CHD3: variants seen among roughly 807,000 people sequenced by gnomAD.
The protein encoded by CHD3 is chromodomain helicase DNA binding protein 3.
In CHD3, 52 loss-of-function variants were observed where a neutral mutation model predicts 248.9. The ratio of observed to expected loss-of-function variants is 0.21; its 90% CI spans 0.17 to 0.26. The LOEUF (loss-of-function observed/expected upper bound fraction) is 0.26, where lower values mean the gene tolerates loss of function less well. Among genes scored for constraint, CHD3 ranks in the 10% least tolerant of loss-of-function variants. The probability of loss-of-function intolerance (pLI) is 1.00; values close to 1 mark genes in which losing one functional copy is unlikely to be tolerated. For missense variants in CHD3, 1,482 were observed against 2,605.8 expected, an observed-to-expected ratio of 0.57 and a Z score of 9.39; for synonymous variants, 985 against 985.2, an observed-to-expected ratio of 1.00 and a Z score of 0.00.
Position 7,904,168 on chromosome 17 carries a change from T to C in CHD3, c.3894+177T>C. The stretch of plus-strand genomic sequence containing the variant: ...CAGAGAGAAACGTAGGCACAGACAG[T>C]ACTGGTAAACACAGAAGGGTACCTT... On this transcript the variant is annotated intron_variant, in intron 24 of 39. Transcript: ENST00000330494. The surrounding 1 kb of genome is among the most constrained non-coding windows in gnomAD (Gnocchi z 4.4). 1 of 664,170 alleles carries C rather than the reference T, an allele frequency of 1.5e-6. No homozygotes were observed. Among genetic ancestry groups the C allele is most frequent in the Non-Finnish European group, 2.6e-6 (1 of 391,408 alleles). 41.1% of individuals were successfully genotyped at this position (664,170 alleles called of 1,614,324 possible).
chr17:7,896,218 ACT>A (rs146352528), intron 10 of CHD3, among the ~76,000 whole-genome samples: 10,704 of 125,000 alleles, frequency 0.086, 974 homozygotes, highest in African/African-American at 0.25. Context: ...ACAGAGCGAC[ACT>A]CTATCTCAAA....
chr17:7,898,592 T>C lies in CHD3; in HGVS notation c.2148T>C (p.Asn716=), dbSNP rs764643312. 8 of 1,609,730 alleles carry C rather than the reference T, an allele frequency of 5.0e-6. No homozygotes were observed. Among genetic ancestry groups the C allele is most frequent in the Middle Eastern group, 1.7e-4 (1 of 6,040 alleles). ...ATGGGCCTCCCAGTTCTCCCACTAATGATGTGAGTCCTCTCAGTTGTCATT... is the reference window on the plus strand; with the variant it reads ...ATGGGCCTCCCAGTTCTCCCACTAACGATGTGAGTCCTCTCAGTTGTCATT... ...QGDGPPSSPT[N]DPTVKYETQP... The change falls in exon 13 of 40, where the codon AAT becomes AAC. Residue 716 remains asparagine, a synonymous_variant. Transcript: ENST00000330494.
In CHD3 at chr17:7,903,662, G is replaced by T. The variant is rs1970565811; in HGVS notation, c.3727+159G>T. 6.6e-6 allele frequency among the ~76,000 whole-genome samples: 1 copy of T among 152,142 alleles called. No individual in the cohort carries two copies. The highest frequency in any genetic ancestry group is 1.5e-5 in the Non-Finnish European group (1 of 68,010). On this transcript the variant is annotated intron_variant, in intron 23 of 39. Coordinates refer to ENST00000330494, the MANE Select transcript of CHD3 (RefSeq NM_001005273.3). This position sits in a 1 kb window ranked among gnomAD's most constrained non-coding sequence, Gnocchi z 6.8. ...TGGAGGAAGGTTGGCCTCTTTCTTT[G>T]CCTGTAGGGTTAAAACAAACAAAAC... is the stretch of plus-strand genomic sequence containing the variant.
chr17:7,902,878 G>T, intron 21 of CHD3, 59 bp from the exon 22 acceptor site: 1 of 1,601,346 alleles, frequency 6.2e-7, no homozygotes, highest in South Asian at 1.1e-5. Flanking sequence ...GAACATCTAG[G>T]AGCAGGTGGA....
At position 7,904,678 on chromosome 17, in the gene CHD3, G is replaced by A. The variant is rs1475580072; in HGVS notation, c.4072+59G>A. The A allele has an allele frequency of 6.8e-7, 1 of 1,465,238 alleles. No individual in the cohort carries two copies. The highest frequency in any genetic ancestry group is 1.9e-5 in the Admixed American group (1 of 52,608). The allele number at this position is 1,465,238 out of a possible 1,614,324, so 90.8% of individuals were successfully genotyped here. A position where few individuals can be genotyped will look rare whatever the true frequency, so the allele number is the denominator to read the frequency against. On this transcript the variant is annotated intron_variant, in intron 25 of 39. Coordinates refer to ENST00000330494, the MANE Select transcript of CHD3 (RefSeq NM_001005273.3). This position sits in a 1 kb window ranked among gnomAD's most constrained non-coding sequence, Gnocchi z 4.4. Reference sequence around the variant, plus strand: ...GGGAAGTGATGATGAGTAGGGACTTGAAGGCTGGAGCTATTTAGAGGGAAA... The same window carrying A: ...GGGAAGTGATGATGAGTAGGGACTTAAAGGCTGGAGCTATTTAGAGGGAAA...
intron 12 of CHD3, among the ~76,000 whole-genome samples, 175 bp from the exon 13 acceptor site, chr17:7,898,321 G>T (rs943311172): frequency 2.0e-5 from 3 of 152,298 alleles, no homozygotes; most frequent in Non-Finnish European, 4.4e-5. Context: ...GTTCAAGAGT[G>T]GGGAGGGCTG....
At position 7,895,315 on chromosome 17, in the gene CHD3, T is replaced by C; in HGVS notation, c.1504-24T>C. 3 of 1,613,036 alleles carry C rather than the reference T, an allele frequency of 1.9e-6. No individual in the cohort carries two copies. The highest frequency in any genetic ancestry group is 2.5e-6 in the Non-Finnish European group (3 of 1,179,216). On this transcript the variant is annotated intron_variant, in intron 9 of 39. Transcript: ENST00000330494. This position sits in a 1 kb window ranked among gnomAD's most constrained non-coding sequence, Gnocchi z 4.9. ...TTCTTTCTGCCTCTTTCTTTCCTCC[T>C]CCTTGTACGTGTCCATCCCAAAGTG...
In CHD3 at chr17:7,894,627, C is replaced by A; in HGVS notation, c.1269+19C>A. On this transcript the variant is annotated intron_variant, in intron 8 of 39. Transcript: ENST00000330494. ...TCACTGTGTGAGTACCTAATGCCAGCATCTGATGGCCCTGAGGAACCCACC... is the reference window on the plus strand; with the variant it reads ...TCACTGTGTGAGTACCTAATGCCAGAATCTGATGGCCCTGAGGAACCCACC... 25 of 1,599,242 alleles carry A rather than the reference C, an allele frequency of 1.6e-5. No homozygotes were observed. The highest frequency in any genetic ancestry group is 2.1e-5 in the Non-Finnish European group (25 of 1,169,280).
At chr17:7,884,933 G>A (rs776877158), upstream of CHD3, 55 of 1,399,886 alleles carry the variant, frequency 3.9e-5, no homozygotes, top group Non-Finnish European at 1.9e-5. Flanking sequence ...CGACGAGGAC[G>A]ATGAGGAGGA....
rs761382967 is a variant in CHD3 at position 7,893,878 on chromosome 17, G to T, written c.867G>T (p.Met289Ile). 1 of 1,614,130 alleles carries T rather than the reference G, an allele frequency of 6.2e-7. No homozygotes were observed. The highest frequency in any genetic ancestry group is 1.1e-5 in the South Asian group (1 of 91,074). ...GCAAGAAGCTTCGGGGAAAGAAAAT[G>T]GCACCACTCAAAATAAAACTAGGGC... ...DGRKKLRGKK[M>I]APLKIKLGLL... is the part of the protein sequence containing the mutation. Residue 289 changes from methionine to isoleucine, a missense_variant, in exon 6 of 40, where the codon ATG (methionine) becomes ATT (isoleucine). Coordinates refer to ENST00000330494, the MANE Select transcript of CHD3 (RefSeq NM_001005273.3).
At position 7,905,722 on chromosome 17, in the gene CHD3, A is replaced by G. The variant is rs1268121944; in HGVS notation, c.4224+16A>G. 1.9e-6 allele frequency: 3 copies of G among 1,612,546 alleles called. No homozygotes were observed. Among genetic ancestry groups the G allele is most frequent in the Admixed American group, 1.7e-5 (1 of 59,920 alleles). ...CAACATTGAGGTGAGAGCTGGGCCC[A>G]GTGTTCCTGAGTTCTCCAAGAGGGC... is the stretch of plus-strand genomic sequence containing the variant. On this transcript the variant is annotated intron_variant, in intron 27 of 39. Coordinates refer to ENST00000330494, the MANE Select transcript of CHD3 (RefSeq NM_001005273.3). This position sits in a 1 kb window ranked among gnomAD's most constrained non-coding sequence, Gnocchi z 5.8.
In CHD3 at chr17:7,909,134, T is replaced by C. The variant is rs775330731; in HGVS notation, c.5395-9T>C. 6 of 1,553,526 alleles carry C rather than the reference T, an allele frequency of 3.9e-6. No homozygotes were observed. In the South Asian group the frequency reaches 7.1e-5, roughly 18 times the overall value. On this transcript the variant is annotated splice_polypyrimidine_tract_variant and intron_variant, in intron 36 of 39. Transcript: ENST00000330494. The surrounding 1 kb of genome is among the most constrained non-coding windows in gnomAD (Gnocchi z 8.1). ...GCCCTACCTTCACCTCCCAACTCTG[T>C]GCCCTCAGCTCCTGGAGCAGGCGCT...
chr17:7,897,833 C>T lies in CHD3; in HGVS notation c.1920-138C>T. 2 of 902,666 alleles carry T rather than the reference C, an allele frequency of 2.2e-6. No individual in the cohort carries two copies. The highest frequency in any genetic ancestry group is 2.5e-5 in the East Asian group (1 of 40,142). The allele number at this position is 902,666 out of a possible 1,614,324, so 55.9% of individuals were successfully genotyped here. A position where few individuals can be genotyped will look rare whatever the true frequency, so the allele number is the denominator to read the frequency against. On this transcript the variant is annotated intron_variant, in intron 11 of 39. Coordinates refer to ENST00000330494, the MANE Select transcript of CHD3 (RefSeq NM_001005273.3). This position sits in a 1 kb window ranked among gnomAD's most constrained non-coding sequence, Gnocchi z 4.8. ...TGCTAGGTCAACTATTCCAATCTCC[C>T]TTCCAGCAGCTCACTGTTGACGGTT...
chr17:7,909,180 G>A lies in CHD3; in HGVS notation c.5432G>A (p.Arg1811Gln). 6.5e-7 allele frequency: 1 copy of A among 1,550,232 alleles called. No homozygotes were observed. Among genetic ancestry groups the A allele is most frequent in the Non-Finnish European group, 8.7e-7 (1 of 1,147,922 alleles). ...GCGCTGGTGATTGAGGAGCAGCTGC[G>A]GCGGGCGGCCTACCTGAACCTGTCG... ...EQALVIEEQL[R>Q]RAAYLNLSQE... The change falls in exon 37 of 40, where the codon CGG becomes CAG. Residue 1811 changes from arginine to glutamine, a missense_variant. Arg to Gln is a conservative substitution (Grantham distance 43). This residue lies in a region of CHD3 where 83 missense variants were observed against 181.0 expected (regional missense o/e 0.46). Coordinates refer to ENST00000330494, the MANE Select transcript of CHD3 (RefSeq NM_001005273.3). The surrounding 1 kb of genome is among the most constrained non-coding windows in gnomAD (Gnocchi z 8.1).
In CHD3 at chr17:7,894,166, C is replaced by G; in HGVS notation, c.976C>G (p.Leu326Val). The change falls in exon 7 of 40, where the codon CTG (leucine) becomes GTG (valine). Residue 326 changes from leucine to valine, a missense_variant. Around this residue, in one of 20 missense-constraint regions of CHD3, gnomAD observed 149 missense variants for 182.6 expected, o/e 0.82. Coordinates refer to ENST00000330494, the MANE Select transcript of CHD3 (RefSeq NM_001005273.3). Reference sequence around the variant, plus strand: ...TGAACCAGAGGCTGAGGAATCAGACCTGGACAGTGGCAGTGTCCACAGTGC... The same window carrying G: ...TGAACCAGAGGCTGAGGAATCAGACGTGGACAGTGGCAGTGTCCACAGTGC... ...GPEPEAEESD[L>V]DSGSVHSASG... is the part of the protein sequence containing the mutation. 6.2e-7 allele frequency: 1 copy of G among 1,614,228 alleles called. No individual in the cohort carries two copies. Among genetic ancestry groups the G allele is most frequent in the Non-Finnish European group, 8.5e-7 (1 of 1,180,032 alleles).
Position 7,895,237 on chromosome 17 carries a change from T to G in CHD3, c.1503+87T>G. On this transcript the variant is annotated intron_variant, in intron 9 of 39. Coordinates refer to ENST00000330494, the MANE Select transcript of CHD3 (RefSeq NM_001005273.3). The surrounding 1 kb of genome is among the most constrained non-coding windows in gnomAD (Gnocchi z 4.9). The stretch of plus-strand genomic sequence containing the variant: ...GGGCCCACATGTCCAGCTTTTCATT[T>G]CTCTGCACTCCCCCACCCTTGTGGG... 12 of 1,582,064 alleles carry G rather than the reference T, an allele frequency of 7.6e-6. No individual in the cohort carries two copies. The highest frequency in any genetic ancestry group is 9.5e-6 in the Non-Finnish European group (11 of 1,161,080).
Position 7,909,328 on chromosome 17 carries a change from C to A in CHD3, c.5580C>A (p.Val1860=), listed in dbSNP as rs770908053. ...CGGGGAACAAGCCGGCCAACGCCGTCCTGCACAAGGGTAAGGGCCGCGGCG... is the reference window on the plus strand; with the variant it reads ...CGGGGAACAAGCCGGCCAACGCCGTACTGCACAAGGGTAAGGGCCGCGGCG... The part of the protein sequence containing the change: ...SLAGNKPANA[V]LHKVLNQLEE... The change falls in exon 37 of 40, where the codon GTC becomes GTA. Residue 1860 remains valine, a synonymous_variant. Transcript: ENST00000330494. The surrounding 1 kb of genome is among the most constrained non-coding windows in gnomAD (Gnocchi z 8.1). The A allele has an allele frequency of 6.4e-7, 1 of 1,556,410 alleles. No homozygotes were observed. The highest frequency in any genetic ancestry group is 8.7e-7 in the Non-Finnish European group (1 of 1,151,586).
At chr17:7,901,947 G>A (rs1474444545) in intron 20 of CHD3, among the ~76,000 whole-genome samples, 1 of 152,256 alleles carries the variant, frequency 6.6e-6, no homozygotes, top group East Asian at 1.9e-4. Context: ...TGGCAGGTGA[G>A]GGTGAAGGGC....
Position 7,905,766 on chromosome 17 carries a change from A to C in CHD3, c.4224+60A>C. On this transcript the variant is annotated intron_variant, in intron 27 of 39. Coordinates refer to ENST00000330494, the MANE Select transcript of CHD3 (RefSeq NM_001005273.3). This position sits in a 1 kb window ranked among gnomAD's most constrained non-coding sequence, Gnocchi z 5.8. ...AGAGGGCATGAGGGCAGGAGGTTGG[A>C]AGTTGGTGCCTGGATCACTGAAGGT... The C allele has an allele frequency of 6.2e-7, 1 of 1,613,346 alleles. No individual in the cohort carries two copies. Among genetic ancestry groups the C allele is most frequent in the Non-Finnish European group, 8.5e-7 (1 of 1,179,374 alleles).
Sources: allele counts gnomAD v4.1 joint callset (sites outside exome capture counted in the v4.1 genomes callset), GRCh38; gene constraint gnomAD v4.1.1; regional missense constraint gnomAD v4.1.1; non-coding constraint Gnocchi (gnomAD v3.1); transcripts MANE v1.5; gene names NCBI Gene and HGNC (gene_info 2026-07-23, HGNC 2026-07-21).